Variants in SORCS3 observed in about 807,000 individuals in gnomAD.
The protein encoded by SORCS3 is VPS10 domain-containing receptor SorCS3.
SORCS3 carries 57 observed loss-of-function variants against 146.3 expected under a neutral mutation model. The ratio of observed to expected loss-of-function variants is 0.39; its 90% CI spans 0.31 to 0.49. SORCS3 has a LOEUF of 0.49. Ranked by LOEUF, SORCS3 falls within the 20% of genes least tolerant of loss-of-function variation. SORCS3 has a pLI of 0.92. For synonymous variants in SORCS3, 653 were observed against 618.5 expected (o/e 1.06, Z -0.83); for missense variants, 1,341 against 1,575.5 (o/e 0.85, Z 2.52).
intron 1 of SORCS3, among the ~76,000 whole-genome samples, chr10:104,726,488 A>C (rs751422357): frequency 6.6e-6 from 1 of 152,138 alleles, no homozygotes; most frequent in Non-Finnish European, 1.5e-5. Flanking sequence ...AGAGTGGGGA[A>C]GTCTGACCTA....
At chr10:104,942,811 C>T (rs1480687627) in intron 3 of SORCS3, among the ~76,000 whole-genome samples, 1 of 152,118 alleles carries the variant, frequency 6.6e-6, no homozygotes, top group African/African-American at 2.4e-5. Flanking sequence ...TTTTAAGAAG[C>T]CAAAAACCTA....
intron 3 of SORCS3, among the ~76,000 whole-genome samples, chr10:104,967,610 A>G (rs2133639938): frequency 6.6e-6 from 1 of 151,584 alleles, no homozygotes; most frequent in African/African-American, 2.4e-5. Context: ...TCCCCACATC[A>G]CCTCTATTTG....
chr10:105,069,432 T>C (rs1260996599), intron 5 of SORCS3, among the ~76,000 whole-genome samples: 1 of 152,234 alleles, frequency 6.6e-6, no homozygotes, highest in African/African-American at 2.4e-5. Flanking sequence ...TCAGATTTTC[T>C]AAGCTTCAGT....
chr10:104,909,214 C>T (rs2018940507), intron 2 of SORCS3, among the ~76,000 whole-genome samples: 1 of 151,970 alleles, frequency 6.6e-6, no homozygotes, highest in Non-Finnish European at 1.5e-5. Context: ...TCCACAAAAC[C>T]CAAAATATTT....
chr10:104,784,294 C>G (rs1458108965), intron 1 of SORCS3, among the ~76,000 whole-genome samples: 1 of 152,128 alleles, frequency 6.6e-6, no homozygotes, highest in African/African-American at 2.4e-5. Flanking sequence ...GAGGGTGCTC[C>G]TGGTATCTAG....
chr10:104,989,534 T>C (rs1298663006), intron 4 of SORCS3, among the ~76,000 whole-genome samples: 1 of 152,214 alleles, frequency 6.6e-6, no homozygotes, highest in Non-Finnish European at 1.5e-5. Context: ...ATTTCATTTT[T>C]AATCAAGGGA....
chr10:104,696,222 A>G (rs1230139954), intron 1 of SORCS3, among the ~76,000 whole-genome samples: 1 of 126,622 alleles, frequency 7.9e-6, no homozygotes, highest in African/African-American at 3.1e-5. Context: ...ATATACACAT[A>G]TATAATATAT....
At chr10:104,958,345 G>A (rs2133632589) in intron 3 of SORCS3, among the ~76,000 whole-genome samples, 1 of 152,208 alleles carries the variant, frequency 6.6e-6, no homozygotes, top group East Asian at 1.9e-4. Flanking sequence ...CTGTAGAATG[G>A]GTGTGATAGG....
rs190686339 is a variant in SORCS3 at position 104,766,766 on chromosome 10, G to A, written c.628-76026G>A. Among the ~76,000 whole-genome samples the A allele has an allele frequency of 1.3e-3, 196 of 152,278 alleles. 2 individuals carry two copies. Among genetic ancestry groups the A allele is most frequent in the African/African-American group, 4.5e-3 (189 of 41,558 alleles). ...CACACACTGGGTCCAAGAAGATGTGGGGCCACGGTACCTCTGAATGTGCTG... is the reference window on the plus strand; with the variant it reads ...CACACACTGGGTCCAAGAAGATGTGAGGCCACGGTACCTCTGAATGTGCTG... On this transcript the variant is annotated intron_variant, in intron 1 of 26. Transcript: ENST00000369701.
Position 104,911,616 on chromosome 10 carries a change from C to T in SORCS3, c.696-4217C>T, listed in dbSNP as rs540350928. On this transcript the variant is annotated intron_variant, in intron 2 of 26. Coordinates refer to ENST00000369701, the MANE Select transcript of SORCS3 (RefSeq NM_014978.3). ...TGAGAAAAAGATGATAGTTGGAAAA[C>T]AACTTAGCATTGTGTTGGTGGTTTA... Among the ~76,000 whole-genome samples, 3 of 152,278 alleles carry T rather than the reference C, an allele frequency of 2.0e-5. 1 individual carries two copies. In the South Asian group the frequency reaches 6.2e-4, roughly 32 times the overall value.
intron 1 of SORCS3, among the ~76,000 whole-genome samples, chr10:104,740,279 C>G (rs997580798): frequency 1.3e-5 from 2 of 152,082 alleles, no homozygotes; most frequent in Non-Finnish European, 2.9e-5. Context: ...TCATGTACTA[C>G]CGAGTTAAAT....
At chr10:105,159,051 T>G in intron 11 of SORCS3, 57 bp downstream of exon 11, 1 of 1,330,278 alleles carries the variant, frequency 7.5e-7, no homozygotes, top group Non-Finnish European at 1.1e-6. Context: ...AATAAATTTG[T>G]CACCTCTTTT....
chr10:104,641,798 C>T lies in SORCS3; in HGVS notation c.471C>T (p.Ser157=), dbSNP rs757321175. Residue 157 remains serine (S), a synonymous_variant, in exon 1 of 27, where the codon AGC becomes AGT. Coordinates refer to ENST00000369701, the MANE Select transcript of SORCS3 (RefSeq NM_014978.3). The surrounding 1 kb of genome is among the most constrained non-coding windows in gnomAD (Gnocchi z 6.4). ...CTCCGGCCGATGGTTCCAGAGGAAG[C>T]CGTCCCCTTGCTAAGGGTTCCCGGG... The part of the protein sequence containing the change: ...ATAPADGSRG[S]RPLAKGSREE... 31 of 1,549,936 alleles carry T rather than the reference C, an allele frequency of 2.0e-5. No individual in the cohort carries two copies. The highest frequency in any genetic ancestry group is 2.4e-5 in the Non-Finnish European group (28 of 1,147,722).
rs572838243 is a variant in SORCS3 at position 104,840,436 on chromosome 10, A to G, written c.628-2356A>G. 3.3e-5 allele frequency among the ~76,000 whole-genome samples: 5 copies of G among 152,226 alleles called. No individual in the cohort carries two copies. The East Asian group carries it at 7.7e-4, about 24-fold the overall frequency. The stretch of plus-strand genomic sequence containing the variant: ...TTCAACATTCCCCGGTTTTCCCTGC[A>G]TTCCCCACCACAGCACCTATCAGTC... On this transcript the variant is annotated intron_variant, in intron 1 of 26. Coordinates refer to ENST00000369701, the MANE Select transcript of SORCS3 (RefSeq NM_014978.3).
At chr10:104,977,556 G>A (rs1273963525) in intron 4 of SORCS3, 63 bp downstream of exon 4, 12 of 1,451,296 alleles carry the variant, frequency 8.3e-6, no homozygotes, top group Non-Finnish European at 1.0e-5. Flanking sequence ...AAAATCACTT[G>A]CTTGCTTAAT....
chr10:105,182,400 C>T (rs2056448738), intron 14 of SORCS3, among the ~76,000 whole-genome samples: 1 of 151,876 alleles, frequency 6.6e-6, no homozygotes, highest in Admixed American at 6.6e-5. Context: ...AAAATAAGAG[C>T]AAGGAATGTG....
intron 1 of SORCS3, among the ~76,000 whole-genome samples, chr10:104,654,585 A>G (rs1319888147): frequency 2.0e-5 from 3 of 152,196 alleles, no homozygotes; most frequent in African/African-American, 7.2e-5. Flanking sequence ...GATTCTTGGC[A>G]TGTCTAAAAT....
chr10:104,787,552 G>A (rs1052106664), intron 1 of SORCS3, among the ~76,000 whole-genome samples: 1 of 152,044 alleles, frequency 6.6e-6, no homozygotes, highest in African/African-American at 2.4e-5. Context: ...GGAGTACTTT[G>A]AACTTAGCTG....
chr10:105,075,405 G>A (rs1413218248), intron 5 of SORCS3, among the ~76,000 whole-genome samples: 1 of 152,130 alleles, frequency 6.6e-6, no homozygotes, highest in Non-Finnish European at 1.5e-5. Context: ...ACCAAGTGCT[G>A]GGAGCTCCTA....
Sources: gnomAD v4.1 joint callset for allele counts (sites outside exome capture counted in the v4.1 genomes callset) on GRCh38, gnomAD v4.1.1 for gene constraint, Gnocchi (gnomAD v3.1) non-coding constraint, MANE v1.5 for transcripts, NCBI Gene and HGNC (gene_info 2026-07-23, HGNC 2026-07-21) for gene names.